The following CDC42EP3 variants were observed in gnomAD, a reference collection of about 807,000 sequenced individuals.
The protein encoded by CDC42EP3 is CDC42 effector protein 3.
CDC42EP3 carries 4 observed loss-of-function variants against 15.5 expected under a neutral mutation model. The ratio of observed to expected loss-of-function variants is 0.26; its 90% CI spans 0.13 to 0.59. The LOEUF (loss-of-function observed/expected upper bound fraction) is 0.59, where lower values mean the gene tolerates loss of function less well. Ranked by LOEUF, CDC42EP3 falls within the 20% of genes least tolerant of loss-of-function variation. CDC42EP3 has a pLI of 0.89. For missense variants in CDC42EP3, 309 were observed against 311.2 expected (o/e 0.99, Z 0.05); for synonymous variants, 145 against 130.3 (o/e 1.11, Z -0.77).
intron 1 of CDC42EP3, among the ~76,000 whole-genome samples, chr2:37,666,169 T>G (rs1666242894): frequency 6.6e-6 from 1 of 152,228 alleles, no homozygotes; most frequent in South Asian, 2.1e-4. Flanking sequence ...TAGGACATAC[T>G]GCGGTTATGT....
At chr2:37,661,658 A>G (rs1293127489) in intron 1 of CDC42EP3, among the ~76,000 whole-genome samples, 1 of 152,178 alleles carries the variant, frequency 6.6e-6, no homozygotes, top group Non-Finnish European at 1.5e-5. Flanking sequence ...CTGGACGGCA[A>G]GGCTACCGGG....
intron 1 of CDC42EP3, among the ~76,000 whole-genome samples, chr2:37,660,262 A>G (rs112385010): frequency 2.0e-3 from 299 of 152,330 alleles, no homozygotes; most frequent in African/African-American, 6.9e-3. Flanking sequence ...TGAGGCTAAA[A>G]TGGTTCCTAT....
Position 37,644,600 on chromosome 2 carries a change from A to G in CDC42EP3, c.*1223T>C, listed in dbSNP as rs968645197. On this transcript the variant is annotated 3_prime_UTR_variant, in exon 2 of 2. Transcript: ENST00000295324. Reference sequence around the variant, plus strand: ...GGAAGATGCTCAGAAATGACCACTGAGAGGGTGGCATCAGTGCTGACTTAA... The same window carrying G: ...GGAAGATGCTCAGAAATGACCACTGGGAGGGTGGCATCAGTGCTGACTTAA... The G allele has an allele frequency of 5.3e-5, 8 of 150,392 alleles. No individual in the cohort carries two copies. The Admixed American group carries it at 5.3e-4, about 10-fold the overall frequency. 9.3% of individuals were successfully genotyped at this position (150,392 alleles called of 1,614,324 possible).
intron 1 of CDC42EP3, among the ~76,000 whole-genome samples, chr2:37,669,221 C>A (rs1666331699): frequency 8.2e-6 from 1 of 121,822 alleles, no homozygotes. Context: ...TGTGAAAAAT[C>A]TATGGCCTGG....
chr2:37,645,749 G>T lies in CDC42EP3; in HGVS notation c.*74C>A. 1 of 1,185,784 alleles carries T rather than the reference G, an allele frequency of 8.4e-7. No individual in the cohort carries two copies. The highest frequency in any genetic ancestry group is 1.2e-6 in the Non-Finnish European group (1 of 860,594). The allele number at this position is 1,185,784 out of a possible 1,614,324, so 73.5% of individuals were successfully genotyped here. A position where few individuals can be genotyped will look rare whatever the true frequency, so the allele number is the denominator to read the frequency against. On this transcript the variant is annotated 3_prime_UTR_variant, in exon 2 of 2. Coordinates refer to ENST00000295324, the MANE Select transcript of CDC42EP3 (RefSeq NM_006449.5). ...AACACAAAACTGCAAATACAGCTCCGGAAGCCCTTCTCTTCAACTGTGGTT... is the reference window on the plus strand; with the variant it reads ...AACACAAAACTGCAAATACAGCTCCTGAAGCCCTTCTCTTCAACTGTGGTT...
intron 1 of CDC42EP3, among the ~76,000 whole-genome samples, chr2:37,664,999 C>G (rs1157836685): frequency 6.6e-6 from 1 of 152,068 alleles, no homozygotes; most frequent in African/African-American, 2.4e-5. Context: ...ATCTGTACAT[C>G]AAAACCCCGT....
At position 37,645,071 on chromosome 2, in the gene CDC42EP3, G is replaced by A. The variant is rs1171660360; in HGVS notation, c.*752C>T. 1 of 152,062 alleles carries A rather than the reference G, an allele frequency of 6.6e-6. No homozygotes were observed. Among genetic ancestry groups the A allele is most frequent in the Admixed American group, 6.6e-5 (1 of 15,260 alleles). 9.4% of individuals were successfully genotyped at this position (152,062 alleles called of 1,614,324 possible). A position where few individuals can be genotyped will look rare whatever the true frequency, so the allele number is the denominator to read the frequency against. ...AGTATGAATACACTTTTCCAAACAC[G>A]CACATACACAGCTTACAATGGAATC... is the stretch of plus-strand genomic sequence containing the variant. On this transcript the variant is annotated 3_prime_UTR_variant, in exon 2 of 2. Transcript: ENST00000295324.
chr2:37,657,326 A>G (rs1665900216), intron 1 of CDC42EP3, among the ~76,000 whole-genome samples: 1 of 152,118 alleles, frequency 6.6e-6, no homozygotes, highest in Non-Finnish European at 1.5e-5. Flanking sequence ...CAACCTTGCT[A>G]CTGCTTTGCT....
intron 1 of CDC42EP3, among the ~76,000 whole-genome samples, chr2:37,666,261 ACT>A (rs1477588839): frequency 6.6e-6 from 1 of 151,906 alleles, no homozygotes; most frequent in African/African-American, 2.4e-5. Flanking sequence ...CATTTGAGAA[ACT>A]CTGGACACGA....
chr2:37,652,467 G>A lies in CDC42EP3; in HGVS notation c.-235-5645C>T, dbSNP rs187540940. ...CCAGATGAGAGAATTTTAGCTTTCT[G>A]TCTCAGTCAAAACTCTCAACACCAG... On this transcript the variant is annotated intron_variant, in intron 1 of 1. Coordinates refer to ENST00000295324, the MANE Select transcript of CDC42EP3 (RefSeq NM_006449.5). 3.2e-4 allele frequency among the ~76,000 whole-genome samples: 49 copies of A among 152,282 alleles called. 1 individual carries two copies. The highest frequency in any genetic ancestry group is 1.2e-3 in the African/African-American group (48 of 41,558).
chr2:37,646,493 C>A lies in CDC42EP3; in HGVS notation c.95G>T (p.Ser32Ile). 1 of 1,612,132 alleles carries A rather than the reference C, an allele frequency of 6.2e-7. No homozygotes were observed. The highest frequency in any genetic ancestry group is 1.7e-5 in the Admixed American group (1 of 59,398). The change falls in exon 2 of 2, where the codon AGT (serine) becomes ATT (isoleucine). Residue 32 changes from serine (S) to isoleucine (I), a missense_variant. By Grantham distance (142) the Ser-to-Ile change is moderately radical. Transcript: ENST00000295324. Reference protein sequence around the residue: ...LRDILSPDMISPPLGDFRHTI... With the variant: ...LRDILSPDMIIPPLGDFRHTI... ...GTGGCGAAAGTCTCCAAGCGGGGGA[C>A]TGATCATATCAGGAGACAGAATGTC... is the stretch of plus-strand genomic sequence containing the variant.
At position 37,668,051 on chromosome 2, in the gene CDC42EP3, A is replaced by G. The variant is rs367954488; in HGVS notation, c.-236+3375T>C. 5.2e-5 allele frequency among the ~76,000 whole-genome samples: 8 copies of G among 152,396 alleles called. No homozygotes were observed. The South Asian group carries it at 1.7e-3, about 32-fold the overall frequency. On this transcript the variant is annotated intron_variant, in intron 1 of 1. Coordinates refer to ENST00000295324, the MANE Select transcript of CDC42EP3 (RefSeq NM_006449.5). ...ATACTATGTTGTTTTTTATACATAC[A>G]TACCTGTTATAAAGTTTAATTTGTA... is the stretch of plus-strand genomic sequence containing the variant.
chr2:37,658,799 C>T (rs545176163), intron 1 of CDC42EP3, among the ~76,000 whole-genome samples: 4 of 152,324 alleles, frequency 2.6e-5, no homozygotes, highest in Non-Finnish European at 5.9e-5. Context: ...CATGATCTTT[C>T]TCCTGCACAA....
At chr2:37,671,828 G>C (rs1182761212), upstream of CDC42EP3, 1 of 151,938 alleles carries the variant, frequency 6.6e-6, no homozygotes, top group Non-Finnish European at 1.5e-5. Context: ...CGCGGGGGGG[G>C]GTCACCGTTG....
Position 37,646,043 on chromosome 2 carries a change from C to G in CDC42EP3, c.545G>C (p.Ser182Thr), listed in dbSNP as rs773741152. The G allele has an allele frequency of 1.2e-6, 2 of 1,614,012 alleles. No individual in the cohort carries two copies. The highest frequency in any genetic ancestry group is 1.7e-6 in the Non-Finnish European group (2 of 1,179,932). ...WGSSGSASQS[S>T]QGRDSHSSSL... ...GGAGGAGTGGCTGTCTCTGCCTTGGCTGGACTGAGATGCAGAACCGCTGGA... is the reference window on the plus strand; with the variant it reads ...GGAGGAGTGGCTGTCTCTGCCTTGGGTGGACTGAGATGCAGAACCGCTGGA... Residue 182 changes from serine (S) to threonine (T), a missense_variant, in exon 2 of 2, where the codon AGC becomes ACC. Physicochemically the swap from Ser to Thr is moderately conservative, Grantham distance 58. Coordinates refer to ENST00000295324, the MANE Select transcript of CDC42EP3 (RefSeq NM_006449.5).
intron 1 of CDC42EP3, among the ~76,000 whole-genome samples, chr2:37,655,651 G>T (rs925369158): frequency 2.6e-5 from 4 of 152,168 alleles, no homozygotes; most frequent in African/African-American, 9.7e-5. Flanking sequence ...GAAGCACCCA[G>T]GCAGGCACTC....
chr2:37,659,573 G>A (rs1310084335), intron 1 of CDC42EP3, among the ~76,000 whole-genome samples: 5 of 152,198 alleles, frequency 3.3e-5, no homozygotes, highest in African/African-American at 1.2e-4. Context: ...TGTGCAAATA[G>A]TGTCTTAGGT....
At position 37,644,695 on chromosome 2, in the gene CDC42EP3, TC is replaced by T. The variant is rs1185279331; in HGVS notation, c.*1127del. The T allele has an allele frequency of 6.6e-6, 1 of 151,828 alleles. No individual in the cohort carries two copies. The highest frequency in any genetic ancestry group is 1.5e-5 in the Non-Finnish European group (1 of 67,974). The allele number at this position is 151,828 out of a possible 1,614,324, so 9.4% of individuals were successfully genotyped here. A position where few individuals can be genotyped will look rare whatever the true frequency, so the allele number is the denominator to read the frequency against. ...GTAGAGAGGCTCAGTTTCTAGCCTC[TC>T]AAACCATAAGGAAGTAATCAAAATG... On this transcript the variant is annotated 3_prime_UTR_variant, in exon 2 of 2. Transcript: ENST00000295324.
At position 37,663,608 on chromosome 2, in the gene CDC42EP3, C is replaced by A. The variant is rs571554105; in HGVS notation, c.-236+7818G>T. ...GGCCCGCAGATGATCTCTATCACCACAACCAAATGACTGGGGTGACTCCCC... is the reference window on the plus strand; with the variant it reads ...GGCCCGCAGATGATCTCTATCACCAAAACCAAATGACTGGGGTGACTCCCC... On this transcript the variant is annotated intron_variant, in intron 1 of 1. Coordinates refer to ENST00000295324, the MANE Select transcript of CDC42EP3 (RefSeq NM_006449.5). Among the ~76,000 whole-genome samples, 262 of 152,344 alleles carry A rather than the reference C, an allele frequency of 1.7e-3. 1 individual carries two copies. Among genetic ancestry groups the A allele is most frequent in the Admixed American group, 2.7e-3 (41 of 15,310 alleles).
Sources: allele counts gnomAD v4.1 joint callset (sites outside exome capture counted in the v4.1 genomes callset), GRCh38; gene constraint gnomAD v4.1.1; transcripts MANE v1.5; gene names NCBI Gene and HGNC (gene_info 2026-07-23, HGNC 2026-07-21).